TMBIM4: variants seen among roughly 807,000 people sequenced by gnomAD.
TMBIM4 encodes the protein transmembrane BAX inhibitor motif containing 4.
Under a neutral mutation model 27.7 loss-of-function variants are expected in TMBIM4, and 28 were observed. The observed-to-expected ratio is 1.01, with a 90% CI of 0.75 to 1.38. TMBIM4 has a LOEUF of 1.38. Among genes scored for constraint, TMBIM4 ranks in the 40% most tolerant of loss-of-function variants. The probability of loss-of-function intolerance (pLI) is 0.00; values close to 1 mark genes in which losing one functional copy is unlikely to be tolerated. For missense variants in TMBIM4, 265 were observed against 277.5 expected, an observed-to-expected ratio of 0.95 and a Z score of 0.32; for synonymous variants, 115 against 113.1, an observed-to-expected ratio of 1.02 and a Z score of -0.11.
Position 66,145,906 on chromosome 12 carries a change from T to C in TMBIM4, c.399A>G (p.Thr133=), listed in dbSNP as rs1379183442. Reference sequence around the variant, plus strand: ...TATACACAGTCAAACCAAAAAATACTGTAGTAGTCAGTATGAAAGCTTGCA... The same window carrying C: ...TATACACAGTCAAACCAAAAAATACCGTAGTAGTCAGTATGAAAGCTTGCA... ...IILQAFILTT[T]VFFGLTVYTL... The change falls in exon 5 of 7, where the codon ACA becomes ACG. Residue 133 remains threonine (T), a synonymous_variant. Coordinates refer to ENST00000358230, the MANE Select transcript of TMBIM4 (RefSeq NM_016056.4). 1.9e-6 allele frequency: 3 copies of C among 1,608,030 alleles called. No homozygotes were observed. Among genetic ancestry groups the C allele is most frequent in the Non-Finnish European group, 2.6e-6 (3 of 1,175,596 alleles).
intron 1 of TMBIM4, among the ~76,000 whole-genome samples, chr12:66,161,635 A>T (rs1336482091): frequency 6.6e-6 from 1 of 152,238 alleles, no homozygotes; most frequent in Non-Finnish European, 1.5e-5. Flanking sequence ...AGTCAGCTTA[A>T]GTTACCAACC....
chr12:66,138,673 A>G, intron 6 of TMBIM4, 51 bp downstream of exon 6: 2 of 1,404,046 alleles, frequency 1.4e-6, no homozygotes, highest in Middle Eastern at 1.8e-4. Flanking sequence ...GGTTATTTAT[A>G]TTGACACAGC....
intron 1 of TMBIM4, among the ~76,000 whole-genome samples, chr12:66,157,995 G>T (rs1341842567): frequency 2.0e-5 from 3 of 152,060 alleles, no homozygotes; most frequent in Non-Finnish European, 2.9e-5. Flanking sequence ...GGGAGGCCAA[G>T]GTGGGCACAT....
Position 66,150,393 on chromosome 12 carries a change from CCTTT to C in TMBIM4, c.312+1874_312+1877del, listed in dbSNP as rs199908044. 4.3e-3 allele frequency among the ~76,000 whole-genome samples: 646 copies of C among 150,976 alleles called. 2 individuals carry two copies. The highest frequency in any genetic ancestry group is 6.0e-3 in the Non-Finnish European group (406 of 67,842). ...TCTCTCCTTTCTTCCTTCCTTCCTTCCTTTTCCTTTCTTCCTCCCTCCCACCCCC... is the reference window on the plus strand; with the variant it reads ...TCTCTCCTTTCTTCCTTCCTTCCTTCTCCTTTCTTCCTCCCTCCCACCCCC... On this transcript the variant is annotated intron_variant, in intron 3 of 6. Transcript: ENST00000358230.
intron 5 of TMBIM4, among the ~76,000 whole-genome samples, chr12:66,144,097 C>T (rs942596410): frequency 6.6e-6 from 1 of 152,048 alleles, no homozygotes; most frequent in Non-Finnish European, 1.5e-5. Flanking sequence ...ATACTGTAAT[C>T]AAGTTTCCAT....
At chr12:66,162,213 A>C (rs2052053073) in intron 1 of TMBIM4, among the ~76,000 whole-genome samples, 1 of 152,084 alleles carries the variant, frequency 6.6e-6, no homozygotes, top group Non-Finnish European at 1.5e-5. Flanking sequence ...TCTTGTCTGC[A>C]GTTTTGCTTT....
chr12:66,160,384 C>A, intron 1 of TMBIM4: 1 of 571,890 alleles, frequency 1.7e-6, no homozygotes, highest in South Asian at 2.3e-5. Flanking sequence ...ATAGTAAAGT[C>A]ATAATGGAGA....
At position 66,137,778 on chromosome 12, in the gene TMBIM4, GT is replaced by G; in HGVS notation, c.*181del. The stretch of plus-strand genomic sequence containing the variant: ...TAGAAATGAGGTATCATAAAGAATA[GT>G]AAGATTTTAAAGCTCTCAAAATTAC... On this transcript the variant is annotated 3_prime_UTR_variant, in exon 7 of 7. Transcript: ENST00000358230. 1.8e-6 allele frequency: 1 copy of G among 569,160 alleles called. No individual in the cohort carries two copies. The highest frequency in any genetic ancestry group is 3.1e-6 in the Non-Finnish European group (1 of 324,660). The allele number at this position is 569,160 out of a possible 1,614,324, so 35.3% of individuals were successfully genotyped here.
At chr12:66,166,165 C>T (rs1318380339) in intron 1 of TMBIM4, among the ~76,000 whole-genome samples, 1 of 152,084 alleles carries the variant, frequency 6.6e-6, no homozygotes, top group African/African-American at 2.4e-5. Context: ...GAAGAGACTG[C>T]CCTTTTCTCA....
In TMBIM4 at chr12:66,145,833, C is replaced by A; in HGVS notation, c.464+8G>T. ...TATCTATTATATCCAAGAATATATACAACTTACCCTGCTCCAAATTTGCTG... is the reference window on the plus strand; with the variant it reads ...TATCTATTATATCCAAGAATATATAAAACTTACCCTGCTCCAAATTTGCTG... On this transcript the variant is annotated splice_region_variant and intron_variant, in intron 5 of 6. Transcript: ENST00000358230. The A allele has an allele frequency of 6.7e-7, 1 of 1,493,650 alleles. No homozygotes were observed. Among genetic ancestry groups the A allele is most frequent in the Admixed American group, 1.9e-5 (1 of 53,888 alleles). 92.5% of individuals were successfully genotyped at this position (1,493,650 alleles called of 1,614,324 possible).
At chr12:66,168,329 C>A (rs565406629) in intron 1 of TMBIM4, among the ~76,000 whole-genome samples, 4 of 151,870 alleles carry the variant, frequency 2.6e-5, no homozygotes, top group Admixed American at 6.5e-5. Context: ...CTGATTGTAT[C>A]TAGAGTAGCC....
chr12:66,139,747 A>G (rs1302959499), intron 5 of TMBIM4: 3 of 455,952 alleles, frequency 6.6e-6, no homozygotes, highest in Non-Finnish European at 1.3e-5. Flanking sequence ...TCTGATTAAT[A>G]CATGCATGTT....
In TMBIM4 at chr12:66,136,553, T is replaced by G. The variant is rs552287264; in HGVS notation, c.*1407A>C. On this transcript the variant is annotated 3_prime_UTR_variant, in exon 7 of 7. Coordinates refer to ENST00000358230, the MANE Select transcript of TMBIM4 (RefSeq NM_016056.4). ...GAATGTGACTGTATTTGGAGATAGG[T>G]TTTGAAAGAGATAATTAAGGAAAAA... 1.8e-3 allele frequency: 276 copies of G among 153,312 alleles called. 5 individuals are homozygous for G. The highest frequency in any genetic ancestry group is 6.1e-3 in the African/African-American group (252 of 41,536). The allele number at this position is 153,312 out of a possible 1,614,324, so 9.5% of individuals were successfully genotyped here. A position where few individuals can be genotyped will look rare whatever the true frequency, so the allele number is the denominator to read the frequency against.
Position 66,138,030 on chromosome 12 carries a change from C to T in TMBIM4, c.647G>A (p.Ser216Asn). 2 of 1,614,028 alleles carry T rather than the reference C, an allele frequency of 1.2e-6. No homozygotes were observed. Among genetic ancestry groups the T allele is most frequent in the Non-Finnish European group, 1.7e-6 (2 of 1,180,000 alleles). ...TAGATTGATGATATCCAAGTAGAGGCTGATGGCAGCTAATACGTACTCTTC... is the reference window on the plus strand; with the variant it reads ...TAGATTGATGATATCCAAGTAGAGGTTGATGGCAGCTAATACGTACTCTTC... ...SPEEYVLAAI[S>N]LYLDIINLFL... is the part of the protein sequence containing the mutation. Residue 216 changes from serine to asparagine, a missense_variant, in exon 7 of 7, where the codon AGC becomes AAC. Physicochemically the swap from Ser to Asn is conservative, Grantham distance 46. Coordinates refer to ENST00000358230, the MANE Select transcript of TMBIM4 (RefSeq NM_016056.4).
rs1565785753 is a variant in TMBIM4 at position 66,153,425 on chromosome 12, TG to T, written c.120del (p.Ser40ArgfsTer9). The part of the protein sequence containing the change: ...IRMAFLRKVY[S>X]ILSLQVLLTT... Reference sequence around the variant, plus strand: ...GTTAAGAGAACCTGCAGAGAAAGAATGCTGTAGACTTTTCTCAGAAAGGCTA... The same window carrying T: ...GTTAAGAGAACCTGCAGAGAAAGAATCTGTAGACTTTTCTCAGAAAGGCTA... On this transcript the variant is annotated frameshift_variant, in exon 2 of 7. Transcript: ENST00000358230. LOFTEE classifies it high-confidence loss of function. 6.3e-7 allele frequency: 1 copy of T among 1,585,630 alleles called. No homozygotes were observed. The highest frequency in any genetic ancestry group is 1.2e-5 in the South Asian group (1 of 85,478).
chr12:66,139,089 AT>A (rs1229539274), intron 5 of TMBIM4, among the ~76,000 whole-genome samples: 1 of 152,260 alleles, frequency 6.6e-6, no homozygotes, highest in African/African-American at 2.4e-5. Flanking sequence ...TCAGAGATCT[AT>A]AAAAACTTTT....
At chr12:66,148,872 CTTTAT>C (rs900152088) in intron 3 of TMBIM4, among the ~76,000 whole-genome samples, 7 of 152,148 alleles carry the variant, frequency 4.6e-5, no homozygotes, top group African/African-American at 1.7e-4. Context: ...ATTACAGTAT[CTTTAT>C]TTTGTCTTAT....
At chr12:66,158,227 C>CAAAAAAAA (rs397947155) in intron 1 of TMBIM4, among the ~76,000 whole-genome samples, 2 of 112,446 alleles carry the variant, frequency 1.8e-5, no homozygotes, top group Non-Finnish European at 1.8e-5. Flanking sequence ...CTCCGTCTCA[C>CAAAAAAAA]AAAAAAAAAA....
Position 66,169,908 on chromosome 12 carries a change from T to C in TMBIM4, c.44A>G (p.Asp15Gly), listed in dbSNP as rs927526294. Residue 15 changes from aspartate to glycine, a missense_variant, in exon 1 of 7, where the codon GAC becomes GGC. Asp to Gly is a moderately conservative substitution (Grantham distance 94). Coordinates refer to ENST00000358230, the MANE Select transcript of TMBIM4 (RefSeq NM_016056.4). ...DPRYPRSSIEDDFNYGSSVAS... is the reference protein window; with the variant it reads ...DPRYPRSSIEGDFNYGSSVAS... ...CACGCTGCTGCCATAGTTGAAGTCGTCCTCGATCGAGGAGCGAGGGTACCG... is the reference window on the plus strand; with the variant it reads ...CACGCTGCTGCCATAGTTGAAGTCGCCCTCGATCGAGGAGCGAGGGTACCG... The C allele has an allele frequency of 6.7e-7, 1 of 1,497,746 alleles. No homozygotes were observed. Among genetic ancestry groups the C allele is most frequent in the Non-Finnish European group, 8.9e-7 (1 of 1,125,570 alleles). 92.8% of individuals were successfully genotyped at this position (1,497,746 alleles called of 1,614,324 possible). A position where few individuals can be genotyped will look rare whatever the true frequency, so the allele number is the denominator to read the frequency against.
Sources: gnomAD v4.1 joint callset for allele counts (sites outside exome capture counted in the v4.1 genomes callset) on GRCh38, gnomAD v4.1.1 for gene constraint, MANE v1.5 for transcripts, NCBI Gene and HGNC (gene_info 2026-07-23, HGNC 2026-07-21) for gene names.